TMCC3: variants seen among roughly 807,000 people sequenced by gnomAD.
TMCC3 encodes the protein transmembrane and coiled-coil domain family 3.
A neutral mutation model predicts 40.2 loss-of-function variants in TMCC3; 28 were observed. The ratio of observed to expected loss-of-function variants is 0.70; its 90% CI spans 0.52 to 0.95. The LOEUF is 0.95. TMCC3 is among the 40% of genes least tolerant of loss of function. TMCC3 has a pLI of 0.00. For synonymous variants in TMCC3, 255 were observed against 248.5 expected (o/e 1.03, Z -0.25); for missense variants, 554 against 615.2 (o/e 0.90, Z 1.05).
At chr12:94,617,667 G>A (rs941480866) in intron 1 of TMCC3, among the ~76,000 whole-genome samples, 24 of 152,222 alleles carry the variant, frequency 1.6e-4, no homozygotes, top group African/African-American at 5.8e-4. Flanking sequence ...ACTAAGGCCA[G>A]ACTGTTCTGG....
chr12:94,582,750 T>C (rs2138827088), intron 1 of TMCC3, among the ~76,000 whole-genome samples: 1 of 152,216 alleles, frequency 6.6e-6, no homozygotes, highest in East Asian at 1.9e-4. Flanking sequence ...AGCTGTGAGA[T>C]TCAGATCTCC....
At chr12:94,599,671 A>G (rs2068741142) in intron 1 of TMCC3, among the ~76,000 whole-genome samples, 2 of 151,874 alleles carry the variant, frequency 1.3e-5, no homozygotes, top group South Asian at 4.1e-4. Flanking sequence ...TAAACTTTAC[A>G]TTCTCAACAG....
intron 1 of TMCC3, among the ~76,000 whole-genome samples, chr12:94,593,375 A>AGAAAGGAAGAAGAAAGGAAG (rs376635076): frequency 3.6e-5 from 1 of 27,516 alleles, no homozygotes; most frequent in Admixed American, 3.8e-4. Flanking sequence ...AAAAAAAAGA[A>AGAAAGGAAGAAGAAAGGAAG]AAGAAAAGAA....
intron 1 of TMCC3, among the ~76,000 whole-genome samples, chr12:94,640,761 A>C (rs2068985934): frequency 6.6e-6 from 1 of 152,218 alleles, no homozygotes; most frequent in African/African-American, 2.4e-5. Flanking sequence ...CTGCTCACAA[A>C]GCCGCTAAGT....
intron 2 of TMCC3, 77 bp downstream of exon 2, chr12:94,581,544 GA>G (rs2068601105): frequency 9.2e-7 from 1 of 1,085,940 alleles, no homozygotes; most frequent in East Asian, 3.2e-5. Flanking sequence ...TTTTCAAAAT[GA>G]AAAAATAAAA....
Position 94,571,337 on chromosome 12 carries a change from C to T in TMCC3, c.*98G>A, listed in dbSNP as rs372089749. On this transcript the variant is annotated 3_prime_UTR_variant, in exon 4 of 4. Transcript: ENST00000261226. ...ACACAGTCCTAGTTTTTCTTACACACGAGTCCGCACAATCATTCACTGTAA... is the reference window on the plus strand; with the variant it reads ...ACACAGTCCTAGTTTTTCTTACACATGAGTCCGCACAATCATTCACTGTAA... The T allele has an allele frequency of 8.0e-5, 101 of 1,270,296 alleles. No individual in the cohort carries two copies. In the South Asian group the frequency reaches 1.3e-3, roughly 16 times the overall value. 78.7% of individuals were successfully genotyped at this position (1,270,296 alleles called of 1,614,324 possible).
chr12:94,586,167 A>T (rs192608088), intron 1 of TMCC3, among the ~76,000 whole-genome samples: 121 of 152,356 alleles, frequency 7.9e-4, no homozygotes, highest in African/African-American at 2.9e-3. Context: ...CCGAGTATCA[A>T]TGTGCAACAA....
At chr12:94,601,257 G>A (rs1189646649) in intron 1 of TMCC3, among the ~76,000 whole-genome samples, 2 of 152,186 alleles carry the variant, frequency 1.3e-5, no homozygotes, top group African/African-American at 4.8e-5. Context: ...GCTCATGACT[G>A]TAATCCCAAC....
At chr12:94,637,936 G>GA (rs1173814362) in intron 1 of TMCC3, among the ~76,000 whole-genome samples, 2 of 152,198 alleles carry the variant, frequency 1.3e-5, no homozygotes, top group Admixed American at 1.3e-4. Flanking sequence ...TCCATGCCTA[G>GA]AAAAAAGAAC....
At position 94,570,833 on chromosome 12, in the gene TMCC3, G is replaced by T. The variant is rs2068522685; in HGVS notation, c.*602C>A. 6.5e-6 allele frequency: 1 copy of T among 152,836 alleles called. No individual in the cohort carries two copies. The highest frequency in any genetic ancestry group is 1.5e-5 in the Non-Finnish European group (1 of 68,262). The allele number at this position is 152,836 out of a possible 1,614,324, so 9.5% of individuals were successfully genotyped here. A position where few individuals can be genotyped will look rare whatever the true frequency, so the allele number is the denominator to read the frequency against. ...TTTAAAGTGTAACAAAACCCCTCAG[G>T]TAGACTTGTTGGATAACAGGTGTGT... On this transcript the variant is annotated 3_prime_UTR_variant, in exon 4 of 4. Transcript: ENST00000261226.
intron 1 of TMCC3, among the ~76,000 whole-genome samples, chr12:94,605,749 C>T (rs187695824): frequency 2.0e-5 from 3 of 152,292 alleles, no homozygotes; most frequent in East Asian, 1.9e-4. Context: ...CTACGATGAA[C>T]AAAATGGCAG....
intron 1 of TMCC3, among the ~76,000 whole-genome samples, chr12:94,618,273 T>C (rs1024404831): frequency 6.6e-6 from 1 of 152,226 alleles, no homozygotes; most frequent in Admixed American, 6.5e-5. Context: ...GGTCACTAGA[T>C]ATTTTGTTTC....
At chr12:94,597,151 ATATATATG>A (rs1555283299) in intron 1 of TMCC3, among the ~76,000 whole-genome samples, 511 of 18,206 alleles carry the variant, frequency 0.028, 20 homozygotes, top group Middle Eastern at 0.062. Context: ...ATATATATAT[ATATATATG>A]TATATAAATT....
At chr12:94,592,246 G>A (rs188369701) in intron 1 of TMCC3, among the ~76,000 whole-genome samples, 5 of 152,210 alleles carry the variant, frequency 3.3e-5, no homozygotes, top group East Asian at 1.9e-4. Context: ...TGTACAGCAC[G>A]GGAACTGAGT....
chr12:94,573,055 C>A (rs1461321657), intron 3 of TMCC3, among the ~76,000 whole-genome samples: 1 of 152,142 alleles, frequency 6.6e-6, no homozygotes, highest in Non-Finnish European at 1.5e-5. Context: ...TTCCTGAAAG[C>A]ACCTCAAATG....
chr12:94,598,526 A>T (rs1279076926), intron 1 of TMCC3: 1 of 958,246 alleles, frequency 1.0e-6, no homozygotes, highest in African/African-American at 1.8e-5. Context: ...CATAAGTAGG[A>T]GAAGAAATGA....
At chr12:94,591,846 C>G (rs867471212) in intron 1 of TMCC3, among the ~76,000 whole-genome samples, 4 of 152,222 alleles carry the variant, frequency 2.6e-5, no homozygotes, top group Non-Finnish European at 5.9e-5. Flanking sequence ...CATGCACTTG[C>G]AAAATGTCTA....
In TMCC3 at chr12:94,611,032, C is replaced by G. The variant is rs112359733; in HGVS notation, c.79-28494G>C. 9.6e-3 allele frequency among the ~76,000 whole-genome samples: 1,465 copies of G among 152,178 alleles called. 30 individuals carry two copies. The highest frequency in any genetic ancestry group is 0.033 in the African/African-American group (1,385 of 41,498). The stretch of plus-strand genomic sequence containing the variant: ...TCAAAGTGAGACTAATATGCAAATA[C>G]CTGCAAAATTTCATTAGCACACTTA... On this transcript the variant is annotated intron_variant, in intron 1 of 3. Coordinates refer to ENST00000261226, the MANE Select transcript of TMCC3 (RefSeq NM_020698.4).
chr12:94,612,325 T>A (rs1177359728), intron 1 of TMCC3, among the ~76,000 whole-genome samples: 1 of 151,964 alleles, frequency 6.6e-6, no homozygotes, highest in Admixed American at 6.6e-5. Flanking sequence ...TTATTTATTT[T>A]TTTTGAGATG....
Sources: allele counts gnomAD v4.1 joint callset (sites outside exome capture counted in the v4.1 genomes callset), GRCh38; gene constraint gnomAD v4.1.1; transcripts MANE v1.5; gene names NCBI Gene and HGNC (gene_info 2026-07-23, HGNC 2026-07-21).